Variants in CFAP97D2 observed in about 807,000 individuals in gnomAD.
The protein encoded by CFAP97D2 is CFAP97 domain containing 2, also known as uncharacterized protein CFAP97D2.
chr13:114,182,459 T>C (rs1480816304), intron 1 of CFAP97D2, among the ~76,000 whole-genome samples: 20 of 151,902 alleles, frequency 1.3e-4, no homozygotes, highest in African/African-American at 4.4e-4. Flanking sequence ...GCCTTCCTCT[T>C]TTACTAATCC....
Position 114,222,360 on chromosome 13 carries a change from TG to T in CFAP97D2, c.481-137del. 2.5e-6 allele frequency: 1 copy of T among 394,256 alleles called. No individual in the cohort carries two copies. Among genetic ancestry groups the T allele is most frequent in the Non-Finnish European group, 4.5e-6 (1 of 224,090 alleles). 24.4% of individuals were successfully genotyped at this position (394,256 alleles called of 1,614,324 possible). A position where few individuals can be genotyped will look rare whatever the true frequency, so the allele number is the denominator to read the frequency against. Reference sequence around the variant, plus strand: ...GTATAGAATTGTATCTAAATAAAGCTGTTATTTTAAAAATTGTATGTTTAAT... The same window carrying T: ...GTATAGAATTGTATCTAAATAAAGCTTTATTTTAAAAATTGTATGTTTAAT... On this transcript the variant is annotated intron_variant, in intron 4 of 4. Transcript: ENST00000646158. The surrounding 1 kb of genome is among the most constrained non-coding windows in gnomAD (Gnocchi z 4.4).
Position 114,196,076 on chromosome 13 carries a change from CAAAAAAAA to C in CFAP97D2, c.91-307_91-300del, listed in dbSNP as rs57315285. On this transcript the variant is annotated intron_variant, in intron 1 of 4. Coordinates refer to ENST00000646158, the Ensembl canonical transcript of CFAP97D2. ...CCAGCCTGGGCAACAGAGCGAGACT[CAAAAAAAA>C]AAAAAAAAAAAAGCCTCTTGGCAAT... Among the ~76,000 whole-genome samples the C allele has an allele frequency of 3.0e-5, 3 of 100,948 alleles. 1 individual carries two copies. The South Asian group carries it at 9.9e-4, about 33-fold the overall frequency. 66.2% of individuals were successfully genotyped at this position (100,948 alleles called of 152,430 possible). A position where few individuals can be genotyped will look rare whatever the true frequency, so the allele number is the denominator to read the frequency against.
intron 3 of CFAP97D2, among the ~76,000 whole-genome samples, chr13:114,209,907 G>A (rs539130307): frequency 1.6e-4 from 25 of 152,162 alleles, no homozygotes; most frequent in Non-Finnish European, 3.1e-4. Flanking sequence ...AATCAAATGA[G>A]GTCACCAGTG....
intron 3 of CFAP97D2, among the ~76,000 whole-genome samples, chr13:114,202,716 C>T (rs1366770449): frequency 1.3e-5 from 2 of 152,220 alleles, no homozygotes; most frequent in Non-Finnish European, 2.9e-5. Flanking sequence ...GTGAGTGTGG[C>T]CCCACGCTGG....
intron 2 of CFAP97D2, 92 bp downstream of exon 2, chr13:114,196,568 A>G (rs1020268027): frequency 7.5e-6 from 3 of 397,506 alleles, no homozygotes; most frequent in African/African-American, 6.2e-5. Flanking sequence ...AGGGTTAGTA[A>G]GGAATAAACT....
Position 114,199,888 on chromosome 13 carries a change from G to A in CFAP97D2, c.172-437G>A, listed in dbSNP as rs2080908302. 2 of 2,026 alleles carry A rather than the reference G, an allele frequency of 9.9e-4. 1 individual carries two copies. Among genetic ancestry groups the A allele is most frequent in the African/African-American group, 0.019 (2 of 108 alleles). 0.1% of individuals were successfully genotyped at this position (2,026 alleles called of 1,614,324 possible). A position where few individuals can be genotyped will look rare whatever the true frequency, so the allele number is the denominator to read the frequency against. Reference sequence around the variant, plus strand: ...CTTACGGTCCCCGATGAGGCGTGACGGCGCGTCCCCGTGCTTACGGTCCCC... The same window carrying A: ...CTTACGGTCCCCGATGAGGCGTGACAGCGCGTCCCCGTGCTTACGGTCCCC... On this transcript the variant is annotated intron_variant, in intron 2 of 4. Coordinates refer to ENST00000646158, the Ensembl canonical transcript of CFAP97D2.
intron 1 of CFAP97D2, among the ~76,000 whole-genome samples, chr13:114,183,357 A>G (rs1436271111): frequency 1.3e-5 from 2 of 151,956 alleles, no homozygotes; most frequent in African/African-American, 2.4e-5. Context: ...TAGTGGAGAT[A>G]GGGTTTCACC....
At chr13:114,193,533 T>C (rs930753244) in intron 1 of CFAP97D2, among the ~76,000 whole-genome samples, 2 of 152,174 alleles carry the variant, frequency 1.3e-5, no homozygotes, top group Non-Finnish European at 1.5e-5. Context: ...TGTGTCCCCA[T>C]GTAGCAGAAG....
At chr13:114,206,748 G>A (rs980683055) in intron 3 of CFAP97D2, among the ~76,000 whole-genome samples, 10 of 152,220 alleles carry the variant, frequency 6.6e-5, no homozygotes, top group African/African-American at 1.4e-4. Context: ...GACTGTGGGC[G>A]TCTCCCCATT....
At position 114,211,928 on chromosome 13, in the gene CFAP97D2, A is replaced by G; in HGVS notation, c.307A>G (p.Arg103Gly). The G allele has an allele frequency of 2.5e-6, 1 of 398,772 alleles. No individual in the cohort carries two copies. The highest frequency in any genetic ancestry group is 4.4e-6 in the Non-Finnish European group (1 of 226,154). The allele number at this position is 398,772 out of a possible 1,614,324, so 24.7% of individuals were successfully genotyped here. A position where few individuals can be genotyped will look rare whatever the true frequency, so the allele number is the denominator to read the frequency against. ...TTCGTGGAGTCTGCACAGGGGGAAG[A>G]GAGAACAGGAACTTCGCAGAGTGCG... The change falls in exon 4 of 5, where the codon AGA becomes GGA. Residue 103 changes from arginine to glycine, a missense_variant. Transcript: ENST00000646158. This position sits in a 1 kb window ranked among gnomAD's most constrained non-coding sequence, Gnocchi z 4.2.
At chr13:114,200,246 A>G in intron 2 of CFAP97D2, 79 bp from the exon 3 acceptor site, 1 of 392,576 alleles carries the variant, frequency 2.5e-6, no homozygotes, top group Non-Finnish European at 4.5e-6. Flanking sequence ...CTCCCAGGGC[A>G]CTCAAGTCAC....
intron 3 of CFAP97D2, among the ~76,000 whole-genome samples, chr13:114,205,187 C>A (rs6560938): frequency 0.065 from 9,938 of 152,252 alleles, 556 homozygotes; most frequent in African/African-American, 0.13. Context: ...TGTTGGTGAC[C>A]ATGTGGGGAA....
At chr13:114,216,466 G>A (rs1209504276) in intron 4 of CFAP97D2, among the ~76,000 whole-genome samples, 1 of 151,914 alleles carries the variant, frequency 6.6e-6, no homozygotes, top group East Asian at 1.9e-4. Context: ...ACAGGCCCCG[G>A]TGTGTGACGC....
At position 114,211,057 on chromosome 13, in the gene CFAP97D2, G is replaced by A. The variant is rs1193993492; in HGVS notation, c.291-855G>A. On this transcript the variant is annotated intron_variant, in intron 3 of 4. Transcript: ENST00000646158. The surrounding 1 kb of genome is among the most constrained non-coding windows in gnomAD (Gnocchi z 4.2). ...CCAGAGGGTGATGGTGAACTTCCAG[G>A]AGGAGGCCACCAACCATCCACCATT... Among the ~76,000 whole-genome samples the A allele has an allele frequency of 6.6e-6, 1 of 152,168 alleles. No individual in the cohort carries two copies. The highest frequency in any genetic ancestry group is 1.5e-5 in the Non-Finnish European group (1 of 68,038).
At chr13:114,188,574 G>A (rs1014355250) in intron 1 of CFAP97D2, among the ~76,000 whole-genome samples, 5 of 151,898 alleles carry the variant, frequency 3.3e-5, no homozygotes, top group Non-Finnish European at 7.4e-5. Flanking sequence ...TCAGGAGATC[G>A]AGACCATCCT....
chr13:114,214,976 C>T (rs9562156), intron 4 of CFAP97D2, among the ~76,000 whole-genome samples: 7,671 of 152,158 alleles, frequency 0.05, 519 homozygotes, highest in East Asian at 0.35. Flanking sequence ...TTCGATATTC[C>T]AAGTGAAACT....
chr13:114,203,193 G>A lies in CFAP97D2; in HGVS notation c.290+2750G>A, dbSNP rs2080926163. Among the ~76,000 whole-genome samples, 1 of 152,182 alleles carries A rather than the reference G, an allele frequency of 6.6e-6. No homozygotes were observed. The highest frequency in any genetic ancestry group is 2.4e-5 in the African/African-American group (1 of 41,446). On this transcript the variant is annotated intron_variant, in intron 3 of 4. Coordinates refer to ENST00000646158, the Ensembl canonical transcript of CFAP97D2. The surrounding 1 kb of genome is among the most constrained non-coding windows in gnomAD (Gnocchi z 4.3). Reference sequence around the variant, plus strand: ...ATCTTAAGGAATGCACTAAAAAGCTGTAGAACTAATCCACAAGTTCAACAA... The same window carrying A: ...ATCTTAAGGAATGCACTAAAAAGCTATAGAACTAATCCACAAGTTCAACAA...
rs144284811 is a variant in CFAP97D2, at chr13:114,186,441, C to T, written c.90+7021C>T. On this transcript the variant is annotated intron_variant, in intron 1 of 4. Transcript: ENST00000646158. This position sits in a 1 kb window ranked among gnomAD's most constrained non-coding sequence, Gnocchi z 4.3. ...CTGCGTACCTCATTCTTCCTGGATG[C>T]AGGACAAGAACTTGGGACCCATCAA... Among the ~76,000 whole-genome samples the T allele has an allele frequency of 0.012, 1,769 of 152,348 alleles. 97 individuals carry two copies. Among genetic ancestry groups the T allele is most frequent in the Admixed American group, 0.081 (1,245 of 15,306 alleles).
At chr13:114,204,030 G>C (rs1000303385) in intron 3 of CFAP97D2, among the ~76,000 whole-genome samples, 1 of 152,188 alleles carries the variant, frequency 6.6e-6, no homozygotes, top group African/African-American at 2.4e-5. Flanking sequence ...ATTGTTGCTG[G>C]GGAGCAATGG....
Sources: allele counts gnomAD v4.1 joint callset (sites outside exome capture counted in the v4.1 genomes callset), GRCh38; gene constraint gnomAD v4.1.1; non-coding constraint Gnocchi (gnomAD v3.1); transcripts MANE v1.5; gene names NCBI Gene and HGNC (gene_info 2026-07-23, HGNC 2026-07-21).